The following TCF12 variants were observed in gnomAD, a reference collection of about 807,000 sequenced individuals.
The protein encoded by TCF12 is transcription factor 12.
TCF12 carries 45 observed loss-of-function variants against 86.0 expected under a neutral mutation model. That is an observed-to-expected ratio of 0.52 (90% CI 0.41 to 0.67). TCF12 has a LOEUF of 0.67. TCF12 is among the 30% of genes least tolerant of loss of function. The probability of loss-of-function intolerance (pLI) is 0.00; values close to 1 mark genes in which losing one functional copy is unlikely to be tolerated. For synonymous variants in TCF12, 330 were observed against 299.6 expected (o/e 1.10, Z -1.05); for missense variants, 881 against 859.9 (o/e 1.02, Z -0.31).
chr15:57,122,103 A>G (rs1191116201), intron 5 of TCF12, among the ~76,000 whole-genome samples: 1 of 150,144 alleles, frequency 6.7e-6, no homozygotes, highest in Non-Finnish European at 1.5e-5. Context: ...TTGTACAAAA[A>G]AAAAAAAAAA....
chr15:57,247,618 G>A (rs1468191176), intron 13 of TCF12: 3 of 805,068 alleles, frequency 3.7e-6, no homozygotes, highest in Non-Finnish European at 6.5e-6. Context: ...TTTCAAAGTA[G>A]TCTCTTAAAT....
intron 3 of TCF12, among the ~76,000 whole-genome samples, chr15:56,972,075 A>G (rs555944493): frequency 9.2e-5 from 14 of 152,336 alleles, no homozygotes; most frequent in African/African-American, 3.4e-4. Flanking sequence ...AGGGTATATG[A>G]ATTTTATCTC....
intron 8 of TCF12, among the ~76,000 whole-genome samples, chr15:57,220,831 A>G (rs1006049966): frequency 5.9e-5 from 9 of 152,124 alleles, no homozygotes; most frequent in Admixed American, 5.2e-4. Context: ...TTCCTTCTAA[A>G]TCTTTCACAA....
intron 3 of TCF12, among the ~76,000 whole-genome samples, chr15:56,957,652 A>T (rs1168076607): frequency 5.3e-5 from 8 of 152,190 alleles, no homozygotes; most frequent in African/African-American, 1.7e-4. Flanking sequence ...TGATTCTAAC[A>T]TCTCTGTCAG....
chr15:57,083,903 G>A lies in TCF12; in HGVS notation c.223-7886G>A, dbSNP rs113422729. 1.4e-4 allele frequency among the ~76,000 whole-genome samples: 22 copies of A among 152,206 alleles called. 4 individuals carry two copies. Among genetic ancestry groups the A allele is most frequent in the African/African-American group, 5.3e-4 (22 of 41,510 alleles). ...GCTCTATAAATTTTATAGAAGTTAA[G>A]CATTATTGTATATTCTTTTTTCCTC... On this transcript the variant is annotated intron_variant, in intron 4 of 20. Transcript: ENST00000333725.
At chr15:57,154,870 T>G (rs1013661716) in intron 5 of TCF12, among the ~76,000 whole-genome samples, 9 of 152,192 alleles carry the variant, frequency 5.9e-5, no homozygotes, top group African/African-American at 2.2e-4. Context: ...AATATAGTAT[T>G]GTATAATATA....
chr15:57,034,109 A>T (rs115712934), intron 3 of TCF12, among the ~76,000 whole-genome samples: 1,761 of 152,298 alleles, frequency 0.012, 32 homozygotes, highest in African/African-American at 0.04. Context: ...ATACAGTTTA[A>T]CACTTCATTA....
rs563909668 is a variant in TCF12, at chr15:57,132,874, A to G, written c.326-33528A>G. On this transcript the variant is annotated intron_variant, in intron 5 of 20. Transcript: ENST00000333725. ...GCTCTGCCTATGTCTAATTATAGCA[A>G]TGTTTGCTGAAAATTGTTCTATTTA... Among the ~76,000 whole-genome samples the G allele has an allele frequency of 4.6e-5, 7 of 152,278 alleles. No homozygotes were observed. In the East Asian group the frequency reaches 1.2e-3, roughly 25 times the overall value.
chr15:57,091,885 C>T lies in TCF12; in HGVS notation c.319C>T (p.Leu107=). The change falls in exon 5 of 21, where the codon CTG becomes TTG. Residue 107 remains leucine (L), a synonymous_variant. Transcript: ENST00000333725. ...CCCAACACCTTTCATGAACTCAAAT[C>T]TGATGGGTAAGTTGGTAATTCTCTG... ...LSPTPFMNSN[L]MGKTSERGSF... 1 of 1,613,004 alleles carries T rather than the reference C, an allele frequency of 6.2e-7. No homozygotes were observed.
At chr15:56,937,967 C>A (rs1352762727) in intron 3 of TCF12, among the ~76,000 whole-genome samples, 1 of 148,274 alleles carries the variant, frequency 6.7e-6, no homozygotes, top group Non-Finnish European at 1.5e-5. Flanking sequence ...TATTTTGTTA[C>A]AGATTTTTGC....
chr15:57,137,395 T>G (rs552091600), intron 5 of TCF12, among the ~76,000 whole-genome samples: 25 of 152,364 alleles, frequency 1.6e-4, no homozygotes, highest in Admixed American at 4.6e-4. Flanking sequence ...TAATGAAATT[T>G]TTTTCCACTT....
rs564467567 is a variant in TCF12 at position 57,111,412 on chromosome 15, G to C, written c.325+19521G>C. ...GAGATCATTTAGACTGAGGTCCTTG[G>C]TGTGTTCTTGTTCAGGGAAGATGAC... On this transcript the variant is annotated intron_variant, in intron 5 of 20. Transcript: ENST00000333725. Among the ~76,000 whole-genome samples, 38 of 152,098 alleles carry C rather than the reference G, an allele frequency of 2.5e-4. 1 individual carries two copies. The South Asian group carries it at 7.9e-3, about 32-fold the overall frequency.
chr15:57,003,068 A>G (rs17239020), intron 3 of TCF12, among the ~76,000 whole-genome samples: 6,149 of 152,344 alleles, frequency 0.04, 373 homozygotes, highest in Admixed American at 0.17. Flanking sequence ...AAGGGCTTTT[A>G]TATGAGAAAT....
upstream of TCF12, chr15:56,918,357 GTAC>G: frequency 2.4e-6 from 1 of 421,186 alleles, no homozygotes; most frequent in Non-Finnish European, 4.8e-6. Flanking sequence ...AGGCGCCACG[GTAC>G]CTGCCACCCC....
intron 3 of TCF12, among the ~76,000 whole-genome samples, chr15:57,011,761 C>G (rs1386827026): frequency 6.6e-6 from 1 of 152,160 alleles, no homozygotes; most frequent in Non-Finnish European, 1.5e-5. Flanking sequence ...AAGAAACCCC[C>G]AGTGCCTTGT....
intron 5 of TCF12, among the ~76,000 whole-genome samples, chr15:57,154,105 A>G (rs1205591284): frequency 5.9e-5 from 9 of 152,212 alleles, no homozygotes; most frequent in Admixed American, 5.2e-4. Flanking sequence ...AAATCCAGCC[A>G]TATCAGTAAT....
intron 6 of TCF12, among the ~76,000 whole-genome samples, chr15:57,181,916 A>T (rs1250893388): frequency 3.9e-5 from 6 of 152,182 alleles, no homozygotes; most frequent in African/African-American, 1.4e-4. Context: ...ACAGAGAAAA[A>T]TGTCTGGATG....
At position 57,028,572 on chromosome 15, in the gene TCF12, A is replaced by G. The variant is rs140849801; in HGVS notation, c.149-35178A>G. Reference sequence around the variant, plus strand: ...TTGTTAAATTTAAAGGGCACCTCATAATTTTGGATATAAAATCTTTTGTCA... The same window carrying G: ...TTGTTAAATTTAAAGGGCACCTCATGATTTTGGATATAAAATCTTTTGTCA... On this transcript the variant is annotated intron_variant, in intron 3 of 20. Coordinates refer to ENST00000333725, the MANE Select transcript of TCF12 (RefSeq NM_207037.2). Among the ~76,000 whole-genome samples the G allele has an allele frequency of 8.5e-5, 13 of 152,222 alleles. No individual in the cohort carries two copies. The East Asian group carries it at 2.1e-3, about 25-fold the overall frequency.
At chr15:57,204,113 A>G (rs1340503928) in intron 8 of TCF12, among the ~76,000 whole-genome samples, 2 of 152,216 alleles carry the variant, frequency 1.3e-5, no homozygotes, top group African/African-American at 2.4e-5. Flanking sequence ...TACAAAGTTC[A>G]GTGGCCCTTG....
Sources: allele counts gnomAD v4.1 joint callset (sites outside exome capture counted in the v4.1 genomes callset), GRCh38; gene constraint gnomAD v4.1.1; transcripts MANE v1.5; gene names NCBI Gene and HGNC (gene_info 2026-07-23, HGNC 2026-07-21).